Variants in PPARGC1A observed in about 807,000 individuals in gnomAD.
PPARGC1A encodes the protein PPARG coactivator 1 alpha, also known as peroxisome proliferator-activated receptor gamma coactivator 1-alpha.
PPARGC1A carries 25 observed loss-of-function variants against 88.7 expected under a neutral mutation model. That is an observed-to-expected ratio of 0.28 (90% CI 0.21 to 0.39). The LOEUF (loss-of-function observed/expected upper bound fraction) is 0.39. Among genes scored for constraint, PPARGC1A ranks in the 10% least tolerant of loss-of-function variants. PPARGC1A has a pLI of 1.00. For missense variants in PPARGC1A, 880 were observed against 968.7 expected, an observed-to-expected ratio of 0.91 and a Z score of 1.22; for synonymous variants, 363 against 355.6, an observed-to-expected ratio of 1.02 and a Z score of -0.24.
chr4:24,239,971 AC>A, the PPARGC1A span, among the ~76,000 whole-genome samples: 3 of 151,918 alleles, frequency 2.0e-5, no homozygotes, highest in Non-Finnish European at 4.4e-5. Flanking sequence ...CCGCTCTCCC[AC>A]CCCAGGCACC....
At chr4:23,888,005 T>C (rs1289455701) in intron 1 of PPARGC1A, among the ~76,000 whole-genome samples, 2 of 152,184 alleles carry the variant, frequency 1.3e-5, no homozygotes, top group Non-Finnish European at 2.9e-5. Flanking sequence ...AGGCCTATAT[T>C]AACCAATGTA....
chr4:24,338,277 T>C, the PPARGC1A span, among the ~76,000 whole-genome samples: 1 of 152,122 alleles, frequency 6.6e-6, no homozygotes. Context: ...AAGCAAAGGT[T>C]TGGTTCAAAC....
chr4:24,470,059 A>T, the PPARGC1A span, among the ~76,000 whole-genome samples: 2 of 152,080 alleles, frequency 1.3e-5, no homozygotes, highest in Non-Finnish European at 2.9e-5. The surrounding 1 kb of genome is among the most constrained non-coding windows in gnomAD (Gnocchi z 5.8). Context: ...TTGGAGGAAT[A>T]CAAAGTGCCT....
At chr4:23,844,879 C>T (rs1364542470) in intron 2 of PPARGC1A, among the ~76,000 whole-genome samples, 1 of 33,332 alleles carries the variant, frequency 3.0e-5, no homozygotes, top group Non-Finnish European at 6.3e-5. Context: ...ATTATATACA[C>T]ACACACACAC....
intron 2 of PPARGC1A, among the ~76,000 whole-genome samples, chr4:23,834,414 A>G (rs1725641468): frequency 6.6e-6 from 1 of 151,514 alleles, no homozygotes; most frequent in Admixed American, 6.6e-5. Flanking sequence ...GCTTGAACCC[A>G]GGAGGCTGAG....
At chr4:24,352,447 GAGCT>G in the PPARGC1A span, among the ~76,000 whole-genome samples, 4 of 152,210 alleles carry the variant, frequency 2.6e-5, no homozygotes, top group Admixed American at 2.6e-4. Flanking sequence ...AGGAGCTAAT[GAGCT>G]AGCTGTCATT....
chr4:24,467,022 G>GAAAGAAAGAAAGAAAGAA, the PPARGC1A span, among the ~76,000 whole-genome samples: 1 of 135,246 alleles, frequency 7.4e-6, no homozygotes, highest in Non-Finnish European at 1.5e-5. Context: ...AAGAAAGAAA[G>GAAAGAAAGAAAGAAAGAA]AAAGAAAGAG....
In PPARGC1A at chr4:23,800,555, G is replaced by A. The variant is rs1718478689; in HGVS notation, c.2293+1175C>T. On this transcript the variant is annotated intron_variant, in intron 12 of 12. Coordinates refer to ENST00000264867, the MANE Select transcript of PPARGC1A (RefSeq NM_013261.5). ...AATCTTGTGAGTCACAGCAGAACAC[G>A]AATTTATATATTAATTGAGAAAAGT... Among the ~76,000 whole-genome samples the A allele has an allele frequency of 2.0e-5, 3 of 150,820 alleles. 1 individual carries two copies. Among genetic ancestry groups the A allele is most frequent in the South Asian group, 4.1e-4 (2 of 4,820 alleles).
the PPARGC1A span, among the ~76,000 whole-genome samples, chr4:24,070,896 T>C: frequency 4.6e-5 from 7 of 152,194 alleles, no homozygotes; most frequent in Non-Finnish European, 1.0e-4. Flanking sequence ...GTAGCTGCTT[T>C]TGTGCTACAG....
chr4:24,378,537 C>T, the PPARGC1A span, among the ~76,000 whole-genome samples: 34 of 151,864 alleles, frequency 2.2e-4, no homozygotes, highest in South Asian at 4.2e-4. Flanking sequence ...ACAATTTCAC[C>T]GTAACGGATA....
the PPARGC1A span, among the ~76,000 whole-genome samples, chr4:24,150,647 C>G: frequency 6.6e-6 from 1 of 152,104 alleles, no homozygotes; most frequent in Non-Finnish European, 1.5e-5. Context: ...ACACAGGAGA[C>G]ACACAATAGT....
the PPARGC1A span, among the ~76,000 whole-genome samples, chr4:23,990,973 G>A: frequency 7.2e-6 from 1 of 138,230 alleles, no homozygotes; most frequent in East Asian, 1.9e-4. Context: ...CCCTACAAGA[G>A]TTTGGAAGCT....
chr4:23,795,842 G>A lies in PPARGC1A; in HGVS notation c.2377C>T (p.Gln793Ter). ...ACATGTTACCTGCGCAAGCTTCTCT[G>A]AGCTTCTTTCAGTAAACTATCAAAA... Reference protein sequence around the residue: ...LDFDSLLKEAQRSLRR With the variant: ...LDFDSLLKEA The change falls in exon 13 of 13, where the codon CAG (glutamine) becomes TAG (stop). Residue 793 changes from glutamine to a stop codon, truncating the protein, a stop_gained. Transcript: ENST00000264867. LOFTEE classifies it high-confidence loss of function. The A allele has an allele frequency of 6.2e-7, 1 of 1,611,118 alleles. No homozygotes were observed. The highest frequency in any genetic ancestry group is 8.5e-7 in the Non-Finnish European group (1 of 1,178,938).
chr4:24,313,638 C>T, the PPARGC1A span, among the ~76,000 whole-genome samples: 7 of 152,170 alleles, frequency 4.6e-5, no homozygotes, highest in Non-Finnish European at 1.0e-4. Context: ...GAGAAGGGAG[C>T]TTTCATCCAG....
chr4:24,011,981 C>T, the PPARGC1A span, among the ~76,000 whole-genome samples: 1 of 152,016 alleles, frequency 6.6e-6, no homozygotes, highest in African/African-American at 2.4e-5. Flanking sequence ...AAATGCAACC[C>T]AGCAAAAGGC....
chr4:23,962,709 C>G, the PPARGC1A span, among the ~76,000 whole-genome samples: 1 of 152,124 alleles, frequency 6.6e-6, no homozygotes, highest in Non-Finnish European at 1.5e-5. Flanking sequence ...GGAGCCTGCA[C>G]GTACAGATTA....
At chr4:24,165,432 G>A in the PPARGC1A span, among the ~76,000 whole-genome samples, 1 of 152,086 alleles carries the variant, frequency 6.6e-6, no homozygotes, top group Non-Finnish European at 1.5e-5. Context: ...AATGACATAA[G>A]CAAGATACCA....
chr4:24,076,053 A>T, the PPARGC1A span, among the ~76,000 whole-genome samples: 2 of 152,240 alleles, frequency 1.3e-5, no homozygotes, highest in Non-Finnish European at 1.5e-5. Context: ...TAACATTACA[A>T]ATATGTTCAA....
At chr4:24,317,674 T>TTG in the PPARGC1A span, among the ~76,000 whole-genome samples, 1 of 148,152 alleles carries the variant, frequency 6.7e-6, no homozygotes, top group Non-Finnish European at 1.5e-5. Context: ...GAGAAATCAG[T>TTG]TGTAGGGCTG....
Sources: gnomAD v4.1 joint callset for allele counts (sites outside exome capture counted in the v4.1 genomes callset) on GRCh38, gnomAD v4.1.1 for gene constraint, Gnocchi (gnomAD v3.1) non-coding constraint, MANE v1.5 for transcripts, NCBI Gene and HGNC (gene_info 2026-07-23, HGNC 2026-07-21) for gene names.